CLYBL: variants seen among roughly 807,000 people sequenced by gnomAD.
CLYBL encodes citramalyl-CoA lyase, also known as citramalyl-CoA lyase, mitochondrial.
Under a neutral mutation model 38.9 loss-of-function variants are expected in CLYBL, and 31 were observed. The observed-to-expected ratio is 0.80, with a 90% confidence interval of 0.60 to 1.08. The LOEUF is 1.08. Ranked by LOEUF, CLYBL falls within the 50% of genes least tolerant of loss-of-function variation. CLYBL has a pLI of 0.00. For missense variants in CLYBL, 434 were observed against 411.6 expected (o/e 1.05, Z -0.47); for synonymous variants, 171 against 158.6 (o/e 1.08, Z -0.59).
rs189259122 is a variant in CLYBL at position 99,863,108 on chromosome 13, T to C, written c.540+16T>C. The C allele has an allele frequency of 7.2e-6, 10 of 1,393,932 alleles. No individual in the cohort carries two copies. Among genetic ancestry groups the C allele is most frequent in the Admixed American group, 3.6e-5 (2 of 55,094 alleles). 86.3% of individuals were successfully genotyped at this position (1,393,932 alleles called of 1,614,324 possible). ...CAATTTTAAGGTAAGGAAGCCATAATACGGTTAATAAGTTAGCATTTTATT... is the reference window on the plus strand; with the variant it reads ...CAATTTTAAGGTAAGGAAGCCATAACACGGTTAATAAGTTAGCATTTTATT... On this transcript the variant is annotated intron_variant, in intron 4 of 8. Coordinates refer to ENST00000339105, the MANE Select transcript of CLYBL (RefSeq NM_206808.5).
chr13:99,737,478 A>G (rs2793749), intron 1 of CLYBL, among the ~76,000 whole-genome samples: 8,680 of 152,134 alleles, frequency 0.057, 290 homozygotes, highest in East Asian at 0.11. Flanking sequence ...GGTGTCACCA[A>G]CTCCAGGTGT....
intron 2 of CLYBL, among the ~76,000 whole-genome samples, chr13:99,848,998 G>A (rs2051270912): frequency 6.6e-6 from 1 of 152,098 alleles, no homozygotes. Flanking sequence ...AATTAGCTGG[G>A]CGTGGTGGCA....
At chr13:99,702,221 G>A (rs558204421) in intron 1 of CLYBL, among the ~76,000 whole-genome samples, 1 of 152,188 alleles carries the variant, frequency 6.6e-6, no homozygotes, top group South Asian at 2.1e-4. Context: ...TGATCCTCCT[G>A]TTTTGGCCTC....
At chr13:99,818,078 A>C (rs1037695004) in intron 2 of CLYBL, among the ~76,000 whole-genome samples, 5 of 151,596 alleles carry the variant, frequency 3.3e-5, no homozygotes, top group African/African-American at 9.7e-5. Flanking sequence ...GGGAAGGAGG[A>C]AGGGAGAAAA....
At chr13:99,677,535 G>A (rs2139385325) in intron 1 of CLYBL, among the ~76,000 whole-genome samples, 1 of 152,216 alleles carries the variant, frequency 6.6e-6, no homozygotes, top group Admixed American at 6.5e-5. Context: ...TGCTTTTTTG[G>A]CAGTAGTTAT....
At chr13:99,705,576 A>G (rs2048134592) in intron 1 of CLYBL, among the ~76,000 whole-genome samples, 1 of 149,848 alleles carries the variant, frequency 6.7e-6, no homozygotes. Flanking sequence ...TTCCATCTCA[A>G]AAAAAAAAAG....
chr13:99,611,176 T>G (rs1229348638), intron 1 of CLYBL, among the ~76,000 whole-genome samples: 1 of 152,244 alleles, frequency 6.6e-6, no homozygotes, highest in Non-Finnish European at 1.5e-5. Flanking sequence ...CTTACTGAGA[T>G]TCATACATTT....
In CLYBL at chr13:99,606,772, C is replaced by A. The variant is rs754277391; in HGVS notation, c.62+15C>A. On this transcript the variant is annotated intron_variant, in intron 1 of 8. Coordinates refer to ENST00000339105, the MANE Select transcript of CLYBL (RefSeq NM_206808.5). Reference sequence around the variant, plus strand: ...CTGCTGAGGCTGTGAGTGCAGGTCCCCGTTCCCCGCCTTCCCGGCCCGGCT... The same window carrying A: ...CTGCTGAGGCTGTGAGTGCAGGTCCACGTTCCCCGCCTTCCCGGCCCGGCT... 2.1e-6 allele frequency: 3 copies of A among 1,407,840 alleles called. No individual in the cohort carries two copies. The highest frequency in any genetic ancestry group is 2.8e-6 in the Non-Finnish European group (3 of 1,084,176). The allele number at this position is 1,407,840 out of a possible 1,614,324, so 87.2% of individuals were successfully genotyped here. A position where few individuals can be genotyped will look rare whatever the true frequency, so the allele number is the denominator to read the frequency against.
intron 2 of CLYBL, among the ~76,000 whole-genome samples, chr13:99,818,386 C>T (rs1055590800): frequency 5.3e-5 from 8 of 151,288 alleles, no homozygotes; most frequent in South Asian, 4.2e-4. Context: ...GTGGGAGTTA[C>T]GGGTTAAAGA....
At chr13:99,775,892 G>A (rs369422486) in intron 2 of CLYBL, among the ~76,000 whole-genome samples, 2 of 152,100 alleles carry the variant, frequency 1.3e-5, no homozygotes, top group East Asian at 1.9e-4. Context: ...GGCCGGGCAC[G>A]GTGGCTCACA....
At chr13:99,746,557 G>T (rs760635902) in intron 1 of CLYBL, among the ~76,000 whole-genome samples, 2 of 152,058 alleles carry the variant, frequency 1.3e-5, no homozygotes, top group South Asian at 4.2e-4. Flanking sequence ...TCAACAGTGG[G>T]CATTCTAACT....
At chr13:99,663,511 T>A (rs533636137) in intron 1 of CLYBL, among the ~76,000 whole-genome samples, 1 of 152,260 alleles carries the variant, frequency 6.6e-6, no homozygotes, top group East Asian at 1.9e-4. Context: ...CACCAAGCCC[T>A]TTTTTGGTGT....
At chr13:99,714,897 C>T (rs1251367567) in intron 1 of CLYBL, among the ~76,000 whole-genome samples, 1 of 151,626 alleles carries the variant, frequency 6.6e-6, no homozygotes, top group Non-Finnish European at 1.5e-5. Flanking sequence ...TGCAGTGAGC[C>T]GAGATCATAC....
rs1299333545 is a variant in CLYBL at position 99,817,323 on chromosome 13, A to T, written c.250-41538A>T. On this transcript the variant is annotated intron_variant, in intron 2 of 8. Transcript: ENST00000339105. ...AGGAGACGAAAGGAGAGGGGAGGAG[A>T]GTGGAGGAGAGGGAAAGTGATTAAG... Among the ~76,000 whole-genome samples, 10 of 152,154 alleles carry T rather than the reference A, an allele frequency of 6.6e-5. No homozygotes were observed. The East Asian group carries it at 1.9e-3, about 29-fold the overall frequency.
At chr13:99,905,434 G>A (rs11616403) in intron 9 of CLYBL, among the ~76,000 whole-genome samples, 72,082 of 152,004 alleles carry the variant, frequency 0.47, 18,196 homozygotes, top group Non-Finnish European at 0.57. Flanking sequence ...CTGTGTTAGT[G>A]ACTGGCCAAA....
In CLYBL at chr13:99,866,262, C is replaced by G; in HGVS notation, c.657C>G (p.Thr219=). The G allele has an allele frequency of 6.2e-7, 1 of 1,613,744 alleles. No individual in the cohort carries two copies. The highest frequency in any genetic ancestry group is 1.1e-5 in the South Asian group (1 of 91,022). ...ASIGATSSKE[T]LDILYARQKI... is the part of the protein sequence containing the mutation. Reference sequence around the variant, plus strand: ...CAGGTGCAACAAGTAGTAAAGAAACCCTGGATATTCTCTACGCCCGGCAAA... The same window carrying G: ...CAGGTGCAACAAGTAGTAAAGAAACGCTGGATATTCTCTACGCCCGGCAAA... The change falls in exon 6 of 9, where the codon ACC becomes ACG. Residue 219 remains threonine (T), a synonymous_variant. Transcript: ENST00000339105.
intron 7 of CLYBL, among the ~76,000 whole-genome samples, chr13:99,889,399 G>A (rs1298609293): frequency 6.6e-6 from 1 of 152,098 alleles, no homozygotes; most frequent in African/African-American, 2.4e-5. Flanking sequence ...ACCCAGGCCC[G>A]GATTTCCACG....
chr13:99,653,356 G>A (rs1011317340), intron 1 of CLYBL, among the ~76,000 whole-genome samples: 4 of 151,680 alleles, frequency 2.6e-5, no homozygotes, highest in African/African-American at 9.8e-5. Context: ...TGTTAGCCTG[G>A]GGACAAGGAG....
chr13:99,817,411 C>A (rs1236146570), intron 2 of CLYBL, among the ~76,000 whole-genome samples: 1 of 152,068 alleles, frequency 6.6e-6, no homozygotes, highest in East Asian at 1.9e-4. Context: ...GTAATCCCAG[C>A]ACTTTGGGAG....
Sources: gnomAD v4.1 joint callset for allele counts (sites outside exome capture counted in the v4.1 genomes callset) on GRCh38, gnomAD v4.1.1 for gene constraint, MANE v1.5 for transcripts, NCBI Gene and HGNC (gene_info 2026-07-23, HGNC 2026-07-21) for gene names.